TNNI3K: variants seen among roughly 807,000 people sequenced by gnomAD.
TNNI3K encodes the protein serine/threonine-protein kinase TNNI3K.
Under a neutral mutation model 114.5 loss-of-function variants are expected in TNNI3K, and 140 were observed. That is an observed-to-expected ratio of 1.22 (90% confidence interval 1.07 to 1.41). The LOEUF is 1.41. Among genes scored for constraint, TNNI3K ranks in the 40% most tolerant of loss-of-function variants. TNNI3K has a pLI of 0.00. For missense variants in TNNI3K, 1,125 were observed against 1,007.6 expected, an observed-to-expected ratio of 1.12 and a Z score of -1.58; for synonymous variants, 347 against 347.5, an observed-to-expected ratio of 1.00 and a Z score of 0.02.
chr1:74,437,810 A>G (rs1264983266), intron 19 of TNNI3K, among the ~76,000 whole-genome samples: 2 of 151,916 alleles, frequency 1.3e-5, no homozygotes, highest in African/African-American at 2.4e-5. Context: ...TTTTTTAAGC[A>G]TAGTGCCCGA....
At chr1:74,367,381 A>G (rs200406928) in intron 12 of TNNI3K, 39 bp downstream of exon 12, 3 of 1,603,648 alleles carry the variant, frequency 1.9e-6, no homozygotes, top group Non-Finnish European at 2.6e-6. Flanking sequence ...ATTGTATAAT[A>G]TATTGTGCCT....
intron 5 of TNNI3K, among the ~76,000 whole-genome samples, chr1:74,327,739 A>G (rs1230344182): frequency 6.8e-6 from 1 of 147,686 alleles, no homozygotes; most frequent in African/African-American, 2.5e-5. Flanking sequence ...ATATTTAATA[A>G]TAATATTAAG....
At chr1:74,276,358 C>G (rs548490219) in intron 5 of TNNI3K, among the ~76,000 whole-genome samples, 2 of 151,874 alleles carry the variant, frequency 1.3e-5, no homozygotes, top group African/African-American at 4.8e-5. Flanking sequence ...AGAATCTCCC[C>G]GGAGACTTAA....
chr1:74,395,938 G>A (rs1022823730), intron 17 of TNNI3K, among the ~76,000 whole-genome samples: 3 of 152,044 alleles, frequency 2.0e-5, no homozygotes, highest in African/African-American at 7.3e-5. Flanking sequence ...GCCTAAGTTT[G>A]GCTCAGATGA....
intron 21 of TNNI3K, among the ~76,000 whole-genome samples, chr1:74,482,103 T>C (rs185198515): frequency 5.6e-4 from 86 of 152,306 alleles, no homozygotes; most frequent in African/African-American, 1.9e-3. Context: ...AGTTCGGCAT[T>C]TTGTTTCTCT....
At chr1:74,514,524 A>G (rs1006344715) in intron 23 of TNNI3K, among the ~76,000 whole-genome samples, 4 of 152,232 alleles carry the variant, frequency 2.6e-5, no homozygotes, top group African/African-American at 9.6e-5. Flanking sequence ...AGAACCTACT[A>G]TGTACTAGTA....
intron 21 of TNNI3K, chr1:74,464,554 T>C (rs986912282): frequency 1.4e-6 from 2 of 1,445,430 alleles, no homozygotes; most frequent in Admixed American, 2.6e-5. Flanking sequence ...TTTCAGGAAA[T>C]ATCTCACTCA....
Position 74,412,446 on chromosome 1 carries a change from T to A in TNNI3K, c.1773-23634T>A, listed in dbSNP as rs538174076. Among the ~76,000 whole-genome samples, 4 of 152,286 alleles carry A rather than the reference T, an allele frequency of 2.6e-5. No homozygotes were observed. In the South Asian group the frequency reaches 8.3e-4, roughly 32 times the overall value. On this transcript the variant is annotated intron_variant, in intron 17 of 24. Transcript: ENST00000326637. ...AGGAATTTGCCCTCTGGAATACTGC[T>A]ATTACCATGTGAGAAGCCCAAGCTG...
At chr1:74,502,139 A>G (rs1669665482) in intron 23 of TNNI3K, among the ~76,000 whole-genome samples, 1 of 152,174 alleles carries the variant, frequency 6.6e-6, no homozygotes, top group African/African-American at 2.4e-5. Flanking sequence ...TGAGAACTTC[A>G]TAGCACTTAT....
intron 4 of TNNI3K, among the ~76,000 whole-genome samples, chr1:74,270,220 T>C (rs1180959481): frequency 6.6e-6 from 1 of 151,688 alleles, no homozygotes; most frequent in Admixed American, 6.6e-5. Flanking sequence ...TATGGTGAAC[T>C]CATTTGAGAT....
chr1:74,517,231 A>G (rs952062443), intron 23 of TNNI3K, among the ~76,000 whole-genome samples: 2 of 152,202 alleles, frequency 1.3e-5, no homozygotes, highest in Admixed American at 6.5e-5. Flanking sequence ...AATTTTACAG[A>G]TGGGGACAAA....
chr1:74,306,685 G>A (rs1450929274), intron 5 of TNNI3K, among the ~76,000 whole-genome samples: 1 of 152,142 alleles, frequency 6.6e-6, no homozygotes, highest in Non-Finnish European at 1.5e-5. Flanking sequence ...CTTTTAAGAA[G>A]TGTCTCTTCA....
At position 74,454,266 on chromosome 1, in the gene TNNI3K, T is replaced by C. The variant is rs566780959; in HGVS notation, c.2012-9175T>C. On this transcript the variant is annotated intron_variant, in intron 20 of 24. Coordinates refer to ENST00000326637, the MANE Select transcript of TNNI3K (RefSeq NM_015978.3). Reference sequence around the variant, plus strand: ...TTGTTTTAAAACATACAATAAATTATTGTTAACTATAGTCACTCCATTATG... The same window carrying C: ...TTGTTTTAAAACATACAATAAATTACTGTTAACTATAGTCACTCCATTATG... Among the ~76,000 whole-genome samples, 339 of 152,304 alleles carry C rather than the reference T, an allele frequency of 2.2e-3. 3 individuals carry two copies. The highest frequency in any genetic ancestry group is 0.014 in the Middle Eastern group (4 of 294).
At chr1:74,506,075 CACA>C (rs1217896310) in intron 23 of TNNI3K, among the ~76,000 whole-genome samples, 1 of 152,164 alleles carries the variant, frequency 6.6e-6, no homozygotes, top group Non-Finnish European at 1.5e-5. Context: ...CAGATGCTAA[CACA>C]GCCCGGGTCC....
chr1:74,273,698 C>T (rs45524031), intron 5 of TNNI3K, among the ~76,000 whole-genome samples: 2 of 151,852 alleles, frequency 1.3e-5, no homozygotes, highest in East Asian at 3.9e-4. Context: ...GCAAACTTCA[C>T]CAAAGTATTC....
chr1:74,362,034 AG>A (rs1008096933), intron 11 of TNNI3K, among the ~76,000 whole-genome samples: 4 of 152,114 alleles, frequency 2.6e-5, no homozygotes, highest in African/African-American at 9.7e-5. Flanking sequence ...ATATAAAATT[AG>A]GACATCTTTC....
chr1:74,384,969 C>T (rs1663398781), intron 17 of TNNI3K, among the ~76,000 whole-genome samples: 1 of 152,082 alleles, frequency 6.6e-6, no homozygotes, highest in Admixed American at 6.6e-5. Flanking sequence ...ATTGTGCCTT[C>T]TACTCATATT....
intron 17 of TNNI3K, among the ~76,000 whole-genome samples, chr1:74,417,687 TG>T (rs1665188350): frequency 5.5e-4 from 1 of 1,826 alleles, no homozygotes; most frequent in African/African-American, 3.1e-3. Flanking sequence ...CGTGTTTGTG[TG>T]TGTGTGTGTG....
At chr1:74,314,744 A>T (rs1223851997) in intron 5 of TNNI3K, among the ~76,000 whole-genome samples, 2 of 152,130 alleles carry the variant, frequency 1.3e-5, no homozygotes, top group South Asian at 2.1e-4. Flanking sequence ...AAAAATATAT[A>T]TGTAATTGTC....
Sources: gnomAD v4.1 joint callset for allele counts (sites outside exome capture counted in the v4.1 genomes callset) on GRCh38, gnomAD v4.1.1 for gene constraint, MANE v1.5 for transcripts, NCBI Gene and HGNC (gene_info 2026-07-23, HGNC 2026-07-21) for gene names.